The following KATNIP variants were observed in gnomAD, a reference collection of about 807,000 sequenced individuals.
KATNIP encodes katanin interacting protein.
Under a neutral mutation model 174.0 loss-of-function variants are expected in KATNIP, and 126 were observed. That is an observed-to-expected ratio of 0.72 (90% CI 0.63 to 0.84). KATNIP has a LOEUF of 0.84. Among genes scored for constraint, KATNIP ranks in the 40% least tolerant of loss-of-function variants. The pLI is 0.00. For missense variants in KATNIP, 1,958 were observed against 2,109.7 expected (o/e 0.93, Z 1.41); for synonymous variants, 810 against 835.7 (o/e 0.97, Z 0.53).
chr16:27,634,686 A>C (rs975775164), intron 5 of KATNIP, among the ~76,000 whole-genome samples: 1 of 152,194 alleles, frequency 6.6e-6, no homozygotes, highest in Non-Finnish European at 1.5e-5. Flanking sequence ...GAAACAGCCA[A>C]CATCTATCCC....
rs2082535684 is a variant in KATNIP at position 27,777,385 on chromosome 16, G to A, written c.4552-225G>A. On this transcript the variant is annotated intron_variant, in intron 25 of 27. Transcript: ENST00000261588. This position sits in a 1 kb window ranked among gnomAD's most constrained non-coding sequence, Gnocchi z 4.4. ...GTGCTAATGGTATTAAAGCCCCTCG[G>A]GCCTCAATTTCCTCATCTGCAATGC... 6.6e-6 allele frequency among the ~76,000 whole-genome samples: 1 copy of A among 152,130 alleles called. No individual in the cohort carries two copies.
intron 5 of KATNIP, among the ~76,000 whole-genome samples, chr16:27,638,168 C>G (rs952303932): frequency 2.0e-5 from 3 of 152,210 alleles, no homozygotes; most frequent in Non-Finnish European, 4.4e-5. Context: ...TGAGGCACCC[C>G]CTCCTACCTC....
chr16:27,582,693 G>C (rs1031639360), intron 2 of KATNIP, among the ~76,000 whole-genome samples: 2 of 152,152 alleles, frequency 1.3e-5, no homozygotes, highest in Non-Finnish European at 2.9e-5. Context: ...TTACCTTTTC[G>C]TGATTCGACT....
Position 27,561,345 on chromosome 16 carries a change from A to G in KATNIP, c.7+11168A>G, listed in dbSNP as rs116888051. Among the ~76,000 whole-genome samples the G allele has an allele frequency of 2.2e-4, 34 of 152,190 alleles. No individual in the cohort carries two copies. In the East Asian group the frequency reaches 6.0e-3, roughly 27 times the overall value. On this transcript the variant is annotated intron_variant, in intron 1 of 27. Coordinates refer to ENST00000261588, the MANE Select transcript of KATNIP (RefSeq NM_015202.5). ...GCCTGGTCCTTTTTCTCTAGTGGAC[A>G]CATATGGTTTCCCCAGACAACCCAG... is the stretch of plus-strand genomic sequence containing the variant.
rs560626697 is a variant in KATNIP at position 27,721,800 on chromosome 16, C to T, written c.1743+105C>T. ...AAGTTGCAAAATGGATACACGGAAG[C>T]CCTGCTGGCCTCGTGTGTGCAGCAA... On this transcript the variant is annotated intron_variant, in intron 14 of 27. Transcript: ENST00000261588. The T allele has an allele frequency of 4.1e-5, 53 of 1,294,500 alleles. No individual in the cohort carries two copies. The South Asian group carries it at 4.8e-4, about 12-fold the overall frequency. 80.2% of individuals were successfully genotyped at this position (1,294,500 alleles called of 1,614,324 possible). A position where few individuals can be genotyped will look rare whatever the true frequency, so the allele number is the denominator to read the frequency against.
intron 6 of KATNIP, among the ~76,000 whole-genome samples, chr16:27,676,915 T>C (rs942607453): frequency 6.6e-6 from 1 of 152,142 alleles, no homozygotes; most frequent in Non-Finnish European, 1.5e-5. Context: ...CAACCAGTCC[T>C]TTTGCCTCGG....
chr16:27,742,720 A>C (rs1474459686), intron 15 of KATNIP, among the ~76,000 whole-genome samples: 1 of 152,228 alleles, frequency 6.6e-6, no homozygotes, highest in Non-Finnish European at 1.5e-5. Context: ...AGTGCCTGGC[A>C]CACAGGAGCC....
chr16:27,777,753 G>A lies in KATNIP; in HGVS notation c.4695G>A (p.Glu1565=). ...AGGACAGGGACATCCGCCACCAGGA[G>A]AAACACACCACCATCAGGTAGGGCC... ...FTEDRDIRHQ[E]KHTTISNQAE... Residue 1565 remains glutamate (E), a synonymous_variant, in exon 26 of 28, where the codon GAG becomes GAA. Coordinates refer to ENST00000261588, the MANE Select transcript of KATNIP (RefSeq NM_015202.5). This position sits in a 1 kb window ranked among gnomAD's most constrained non-coding sequence, Gnocchi z 4.4. 1 of 1,613,882 alleles carries A rather than the reference G, an allele frequency of 6.2e-7. No individual in the cohort carries two copies. The highest frequency in any genetic ancestry group is 8.5e-7 in the Non-Finnish European group (1 of 1,179,874).
At chr16:27,666,316 C>T (rs931571536) in intron 6 of KATNIP, among the ~76,000 whole-genome samples, 1 of 152,160 alleles carries the variant, frequency 6.6e-6, no homozygotes, top group African/African-American at 2.4e-5. Context: ...AAAGATATTG[C>T]TCAGGTATTT....
chr16:27,750,948 G>A (rs1380100335), intron 16 of KATNIP, among the ~76,000 whole-genome samples: 1 of 151,570 alleles, frequency 6.6e-6, no homozygotes, highest in African/African-American at 2.4e-5. Context: ...GGCTGGTCTC[G>A]AACTCCTGGG....
At chr16:27,643,117 C>T (rs747506106) in intron 5 of KATNIP, 1 of 152,206 alleles carries the variant, frequency 6.6e-6, no homozygotes, top group Non-Finnish European at 1.5e-5. Context: ...TGCTGAGTAT[C>T]CTAACAGAGA....
chr16:27,657,422 C>A (rs1363941909), intron 6 of KATNIP, among the ~76,000 whole-genome samples: 1 of 151,980 alleles, frequency 6.6e-6, no homozygotes, highest in Non-Finnish European at 1.5e-5. Context: ...CTAAGCATCA[C>A]CAAAAGAAGA....
intron 2 of KATNIP, among the ~76,000 whole-genome samples, chr16:27,604,828 G>A (rs2075650572): frequency 6.6e-6 from 1 of 152,148 alleles, no homozygotes; most frequent in Non-Finnish European, 1.5e-5. Context: ...TAGTAGGTCT[G>A]TATTTATGTC....
intron 13 of KATNIP, among the ~76,000 whole-genome samples, chr16:27,719,323 G>A (rs374767968): frequency 3.3e-5 from 5 of 152,168 alleles, no homozygotes; most frequent in Non-Finnish European, 2.9e-5. Flanking sequence ...CATGTCTTCC[G>A]AGTCTGCAGA....
chr16:27,554,896 C>T (rs763970508), intron 1 of KATNIP, among the ~76,000 whole-genome samples: 3 of 150,038 alleles, frequency 2.0e-5, no homozygotes, highest in South Asian at 2.1e-4. Context: ...CAGGTTCAAG[C>T]GATTCTCTTG....
chr16:27,650,398 T>C (rs2077085871), intron 6 of KATNIP, among the ~76,000 whole-genome samples: 1 of 152,212 alleles, frequency 6.6e-6, no homozygotes, highest in Non-Finnish European at 1.5e-5. Flanking sequence ...TCCAAGGGCA[T>C]TATTTTTATA....
At position 27,698,385 on chromosome 16, in the gene KATNIP, C is replaced by T. The variant is rs1312157163; in HGVS notation, c.998C>T (p.Ala333Val). The T allele has an allele frequency of 6.2e-7, 1 of 1,613,156 alleles. No homozygotes were observed. The highest frequency in any genetic ancestry group is 1.3e-5 in the African/African-American group (1 of 74,930). ...GCAACCCGCAAAACTCTTTGCGAGG[C>T]TGAGTACCCAGAGGAAGATGCCTCT... ...LSATRKTLCEAEYPEEDASAV... is the reference protein window; with the variant it reads ...LSATRKTLCEVEYPEEDASAV... The change falls in exon 9 of 28, where the codon GCT becomes GTT. Residue 333 changes from alanine to valine, a missense_variant. Around this residue, in one of 3 missense-constraint regions of KATNIP, gnomAD observed 1,557 missense variants for 1,617.8 expected, o/e 0.96. Coordinates refer to ENST00000261588, the MANE Select transcript of KATNIP (RefSeq NM_015202.5).
chr16:27,740,834 A>C lies in KATNIP; in HGVS notation c.2537A>C (p.Asn846Thr), dbSNP rs1419502356. ...TCAGACATCTTTAACCAGCCCCCCA[A>C]CAGAGAGCGCCCTGCTAGTGGGAGG... is the stretch of plus-strand genomic sequence containing the variant. ...DDSDIFNQPP[N>T]RERPASGRRG... The change falls in exon 15 of 28, where the codon AAC becomes ACC. Residue 846 changes from asparagine (N) to threonine (T), a missense_variant. By Grantham distance (65) the Asn-to-Thr change is moderately conservative (BLOSUM62 0). Coordinates refer to ENST00000261588, the MANE Select transcript of KATNIP (RefSeq NM_015202.5). The C allele has an allele frequency of 6.2e-7, 1 of 1,613,480 alleles. No individual in the cohort carries two copies. The highest frequency in any genetic ancestry group is 8.5e-7 in the Non-Finnish European group (1 of 1,179,728).
intron 2 of KATNIP, among the ~76,000 whole-genome samples, chr16:27,603,525 G>A (rs927687819): frequency 5.9e-5 from 9 of 151,882 alleles, no homozygotes; most frequent in Admixed American, 2.0e-4. Flanking sequence ...AGGCCCTCTC[G>A]GAGCCCTGAG....
Sources: gnomAD v4.1 joint callset for allele counts (sites outside exome capture counted in the v4.1 genomes callset) on GRCh38, gnomAD v4.1.1 for gene constraint, gnomAD v4.1.1 regional missense constraint, Gnocchi (gnomAD v3.1) non-coding constraint, MANE v1.5 for transcripts, NCBI Gene and HGNC (gene_info 2026-07-23, HGNC 2026-07-21) for gene names.